Variants in PROCR observed in about 807,000 individuals in gnomAD.
PROCR encodes the protein protein C receptor.
A neutral mutation model predicts 24.2 loss-of-function variants in PROCR; 22 were observed. The ratio of observed to expected loss-of-function variants is 0.91; its 90% confidence interval spans 0.65 to 1.30. The LOEUF (loss-of-function observed/expected upper bound fraction) is 1.30. PROCR is among the 50% of genes most tolerant of loss of function. The pLI, the probability that PROCR is intolerant of heterozygous loss-of-function variation, is 0.00. For synonymous variants in PROCR, 137 were observed against 139.2 expected (o/e 0.98, Z 0.11); for missense variants, 288 against 307.7 (o/e 0.94, Z 0.48).
intron 1 of PROCR, chr20:35,202,015 C>G (rs1298861275): frequency 6.6e-6 from 1 of 151,902 alleles, no homozygotes; most frequent in Non-Finnish European, 1.5e-5. Context: ...AGATGGAAAT[C>G]AAAAAGGATA....
At chr20:35,210,209 G>A (rs1424674750) in intron 1 of PROCR, among the ~76,000 whole-genome samples, 2 of 152,108 alleles carry the variant, frequency 1.3e-5, no homozygotes, top group Non-Finnish European at 2.9e-5. Context: ...CTGGGCAACA[G>A]AGCAAGACCC....
rs1273221503 is a variant in PROCR, at chr20:35,204,437, TTTTC to T, written c.95-11448_95-11445del. Among the ~76,000 whole-genome samples the T allele has an allele frequency of 6.1e-5, 9 of 146,610 alleles. No individual in the cohort carries two copies. The East Asian group carries it at 2.0e-3, about 32-fold the overall frequency. On this transcript the variant is annotated intron_variant, in intron 1 of 1. Coordinates refer to the PROCR transcript ENST00000634509. The stretch of plus-strand genomic sequence containing the variant: ...TCCTTTTCTCTTTTCTTTTCTTTCC[TTTTC>T]TTTCTTTTCTTTGTGGCAGGGACTC...
At chr20:35,203,509 C>T (rs1259048124) in intron 1 of PROCR, among the ~76,000 whole-genome samples, 1 of 151,440 alleles carries the variant, frequency 6.6e-6, no homozygotes. Context: ...CTCAGCTATT[C>T]AGGAGGCTGA....
intron 1 of PROCR, among the ~76,000 whole-genome samples, chr20:35,189,421 C>T (rs1258744590): frequency 6.6e-6 from 1 of 152,168 alleles, no homozygotes; most frequent in Non-Finnish European, 1.5e-5. Flanking sequence ...CGGTTCTCTG[C>T]TCTTGAACCC....
At chr20:35,172,343 A>G in intron 1 of PROCR, 119 bp downstream of exon 1, 1 of 1,268,484 alleles carries the variant, frequency 7.9e-7, no homozygotes, top group Non-Finnish European at 1.1e-6. Flanking sequence ...AGCTGGCTAG[A>G]TCTCTCTACA....
downstream of PROCR, among the ~76,000 whole-genome samples, chr20:35,178,106 G>T (rs2086039019): frequency 6.6e-6 from 1 of 151,858 alleles, no homozygotes; most frequent in African/African-American, 2.4e-5. Context: ...TTATCTTTAA[G>T]AGCATGTGTT....
chr20:35,197,587 G>A (rs916052054), intron 1 of PROCR, among the ~76,000 whole-genome samples: 1 of 152,118 alleles, frequency 6.6e-6, no homozygotes, highest in Non-Finnish European at 1.5e-5. Flanking sequence ...ACTTTGGGAG[G>A]CCGAGGTGGG....
Position 35,176,718 on chromosome 20 carries a change from T to C in PROCR, c.622T>C (p.Tyr208His), listed in dbSNP as rs1382741903. 3 of 1,612,694 alleles carry C rather than the reference T, an allele frequency of 1.9e-6. No homozygotes were observed. In the Admixed American group the frequency reaches 5.0e-5, roughly 27 times the overall value. The change falls in exon 4 of 4, where the codon TAC (tyrosine) becomes CAC (histidine). Residue 208 changes from tyrosine to histidine, a missense_variant. By Grantham distance (83) the Tyr-to-His change is moderately conservative (BLOSUM62 2). Coordinates refer to ENST00000216968, the MANE Select transcript of PROCR (RefSeq NM_006404.5). ...TGCAGGGAGCCAAACAAGCCGCTCC[T>C]ACACTTCGCTGGTCCTGGGCGTCCT... Reference protein sequence around the residue: ...NTKGSQTSRSYTSLVLGVLVG... With the variant: ...NTKGSQTSRSHTSLVLGVLVG...
downstream of PROCR, among the ~76,000 whole-genome samples, chr20:35,178,130 G>A (rs1056184791): frequency 6.6e-6 from 1 of 152,020 alleles, no homozygotes; most frequent in East Asian, 2.0e-4. Flanking sequence ...TCGGCCAGGC[G>A]CGGTGGCTCA....
chr20:35,189,730 T>A (rs2086157454), intron 1 of PROCR, among the ~76,000 whole-genome samples: 1 of 152,140 alleles, frequency 6.6e-6, no homozygotes, highest in Admixed American at 6.6e-5. Flanking sequence ...TCCCTTTATT[T>A]CTCAGACCAG....
chr20:35,174,591 T>G, intron 1 of PROCR, 111 bp from the exon 2 acceptor site: 1 of 1,381,170 alleles, frequency 7.2e-7, no homozygotes, highest in Non-Finnish European at 1.0e-6. Flanking sequence ...CATTATAGTT[T>G]ATGAAGGGTC....
intron 2 of PROCR, among the ~76,000 whole-genome samples, chr20:35,175,741 C>G (rs1362300184): frequency 6.6e-6 from 1 of 151,648 alleles, no homozygotes; most frequent in Admixed American, 6.6e-5. Flanking sequence ...CCCGCCACCA[C>G]GCCCGGCTAA....
At chr20:35,171,982 A>G (rs968892513), upstream of PROCR, 7 of 684,794 alleles carry the variant, frequency 1.0e-5, no homozygotes, top group Admixed American at 4.2e-5. Context: ...ACACAGTAGA[A>G]ATAACACTTT....
chr20:35,184,133 A>C (rs1180446688), intron 1 of PROCR, among the ~76,000 whole-genome samples: 2 of 152,240 alleles, frequency 1.3e-5, no homozygotes, highest in Non-Finnish European at 2.9e-5. Context: ...TGGAGGCATC[A>C]CACTACCTGA....
chr20:35,194,243 G>A (rs1034417589), intron 1 of PROCR, among the ~76,000 whole-genome samples: 2 of 152,172 alleles, frequency 1.3e-5, no homozygotes, highest in African/African-American at 4.8e-5. Context: ...CTTTTGAGGA[G>A]TTTGGTTTGT....
At chr20:35,190,495 A>G (rs566057336) in intron 1 of PROCR, among the ~76,000 whole-genome samples, 100 of 152,208 alleles carry the variant, frequency 6.6e-4, no homozygotes, top group African/African-American at 2.3e-3. Flanking sequence ...AACAAAACCC[A>G]TTATTTTATT....
intron 1 of PROCR, among the ~76,000 whole-genome samples, chr20:35,186,725 G>T (rs1390924236): frequency 8.2e-6 from 1 of 121,610 alleles, no homozygotes; most frequent in African/African-American, 4.4e-5. Flanking sequence ...AAGGCAGGTG[G>T]ATCACAAGGT....
chr20:35,215,554 T>C (rs1222416566), intron 1 of PROCR, among the ~76,000 whole-genome samples: 1 of 151,362 alleles, frequency 6.6e-6, no homozygotes, highest in Non-Finnish European at 1.5e-5. Context: ...TTCCACAGAG[T>C]GGCTTCTGAG....
chr20:35,204,582 C>T (rs144271827), intron 1 of PROCR, among the ~76,000 whole-genome samples: 2,205 of 151,922 alleles, frequency 0.015, 67 homozygotes, highest in African/African-American at 0.049. Flanking sequence ...CATCATGTTG[C>T]CCAGGCTGGT....
Sources: gnomAD v4.1 joint callset for allele counts (sites outside exome capture counted in the v4.1 genomes callset) on GRCh38, gnomAD v4.1.1 for gene constraint, MANE v1.5 for transcripts, NCBI Gene and HGNC (gene_info 2026-07-23, HGNC 2026-07-21) for gene names.